Variants in PLCH2 observed in about 807,000 individuals in gnomAD.
The protein encoded by PLCH2 is 1-phosphatidylinositol 4,5-bisphosphate phosphodiesterase eta-2.
In PLCH2, 98 loss-of-function variants were observed where a neutral mutation model predicts 134.7. The ratio of observed to expected loss-of-function variants is 0.73; its 90% CI spans 0.62 to 0.86. PLCH2 has a LOEUF of 0.86. Ranked by LOEUF, PLCH2 falls within the 40% of genes least tolerant of loss-of-function variation. The pLI is 0.00. For synonymous variants in PLCH2, 974 were observed against 827.5 expected (o/e 1.18, Z -3.04); for missense variants, 1,994 against 1,986.6 (o/e 1.00, Z -0.07).
chr1:2,424,937 G>C (rs576350870), upstream of PLCH2, among the ~76,000 whole-genome samples: 225 of 152,296 alleles, frequency 1.5e-3, no homozygotes, highest in African/African-American at 5.2e-3. Flanking sequence ...AGTGAGCTGA[G>C]ATTGCTCCAC....
chr1:2,461,849 C>T (rs1640815531), intron 2 of PLCH2, among the ~76,000 whole-genome samples: 1 of 138,270 alleles, frequency 7.2e-6, no homozygotes, highest in African/African-American at 2.8e-5. Context: ...GGCAGGGCAG[C>T]TGGGGATGCC....
At chr1:2,497,864 G>A in intron 16 of PLCH2, 1 of 467,726 alleles carries the variant, frequency 2.1e-6, no homozygotes. Context: ...GGGAGCCTGG[G>A]CCCCACATGA....
Position 2,478,522 on chromosome 1 carries a change from G to C in PLCH2, c.171G>C (p.Lys57Asn). Residue 57 changes from lysine (K) to asparagine (N), a missense_variant, in exon 2 of 22, where the codon AAG becomes AAC. This residue lies in a region of PLCH2 where 1,094 missense variants were observed against 1,234.3 expected (regional missense o/e 0.89). Transcript: ENST00000378486. Reference sequence around the variant, plus strand: ...TGCAAGAGGGGATGCAGATGGTGAAGCTGCGTGGCGGCTCCAAGGGCCTGG... The same window carrying C: ...TGCAAGAGGGGATGCAGATGGTGAACCTGCGTGGCGGCTCCAAGGGCCTGG... ...GAMQEGMQMV[K>N]LRGGSKGLVR... The C allele has an allele frequency of 6.2e-7, 1 of 1,612,852 alleles. No homozygotes were observed. Among genetic ancestry groups the C allele is most frequent in the Non-Finnish European group, 8.5e-7 (1 of 1,179,736 alleles).
In PLCH2 at chr1:2,498,928, C is replaced by G; in HGVS notation, c.2434+100C>G. ...CCGGGTGCCCTGCCCAGGCCTCCCT[C>G]AGTGACAGTCCTGGGCGCCCTCCCC... On this transcript the variant is annotated intron_variant, in intron 18 of 21. Transcript: ENST00000378486. The surrounding 1 kb of genome is among the most constrained non-coding windows in gnomAD (Gnocchi z 5.4). 1.5e-6 allele frequency: 2 copies of G among 1,335,644 alleles called. No homozygotes were observed. The highest frequency in any genetic ancestry group is 2.5e-5 in the South Asian group (2 of 78,460). The allele number at this position is 1,335,644 out of a possible 1,614,324, so 82.7% of individuals were successfully genotyped here.
chr1:2,502,056 A>G, intron 20 of PLCH2, 56 bp from the exon 21 acceptor site: 1 of 1,382,322 alleles, frequency 7.2e-7, no homozygotes, highest in Non-Finnish European at 9.4e-7. Flanking sequence ...CTGGGGGAGC[A>G]GCTGCAGCTG....
intron 10 of PLCH2, among the ~76,000 whole-genome samples, chr1:2,490,438 G>T (rs1002073591): frequency 6.6e-6 from 1 of 152,158 alleles, no homozygotes; most frequent in African/African-American, 2.4e-5. Context: ...CAGGGTGGGG[G>T]GCTGCAGAGA....
At position 2,491,393 on chromosome 1, in the gene PLCH2, G is replaced by A; in HGVS notation, c.1659+58G>A. On this transcript the variant is annotated intron_variant, in intron 11 of 21. Coordinates refer to ENST00000378486, the MANE Select transcript of PLCH2 (RefSeq NM_014638.4). ...GACAGGCCCCCCCGACAGCCAGCCTGTGGGCCAGCCAGGGCCCCCGAACGT... is the reference window on the plus strand; with the variant it reads ...GACAGGCCCCCCCGACAGCCAGCCTATGGGCCAGCCAGGGCCCCCGAACGT... 8.2e-6 allele frequency: 13 copies of A among 1,580,120 alleles called. No homozygotes were observed. In the South Asian group the frequency reaches 1.4e-4, roughly 17 times the overall value.
At chr1:2,449,600 C>T (rs777162981) in intron 2 of PLCH2, among the ~76,000 whole-genome samples, 5 of 152,226 alleles carry the variant, frequency 3.3e-5, no homozygotes, top group Non-Finnish European at 5.9e-5. Context: ...GGGACCAGGT[C>T]TGCAGCAGCC....
chr1:2,478,479 A>T lies in PLCH2; in HGVS notation c.128A>T (p.Glu43Val). Reference protein sequence around the residue: ...SSEWQLGPLVERCMGAMQEGM... With the variant: ...SSEWQLGPLVVRCMGAMQEGM... Reference sequence around the variant, plus strand: ...GCCGTGTCTCTCCCGTGTCCAGTGGAGCGGTGCATGGGTGCCATGCAAGAG... The same window carrying T: ...GCCGTGTCTCTCCCGTGTCCAGTGGTGCGGTGCATGGGTGCCATGCAAGAG... The change falls in exon 2 of 22, where the codon GAG becomes GTG. Residue 43 changes from glutamate (E) to valine (V), a missense_variant. Glu to Val is a moderately radical substitution (Grantham distance 121, BLOSUM62 -2). This residue lies in a region of PLCH2 where 1,094 missense variants were observed against 1,234.3 expected (regional missense o/e 0.89). Transcript: ENST00000378486. 6.2e-7 allele frequency: 1 copy of T among 1,612,486 alleles called. No individual in the cohort carries two copies. The highest frequency in any genetic ancestry group is 8.5e-7 in the Non-Finnish European group (1 of 1,179,708).
At chr1:2,418,059 C>T in the PLCH2 span, among the ~76,000 whole-genome samples, 1 of 152,256 alleles carries the variant, frequency 6.6e-6, no homozygotes, top group Admixed American at 6.5e-5. Context: ...CGCGAACACG[C>T]AGGCACTCAG....
At chr1:2,416,961 C>T in the PLCH2 span, among the ~76,000 whole-genome samples, 3 of 152,036 alleles carry the variant, frequency 2.0e-5, no homozygotes, top group Non-Finnish European at 1.5e-5. Context: ...CTGGGCTGCT[C>T]TTAGGACCTT....
At chr1:2,502,544 A>C in intron 21 of PLCH2, 135 bp downstream of exon 21, 3 of 956,706 alleles carry the variant, frequency 3.1e-6, no homozygotes, top group Non-Finnish European at 4.9e-6. Context: ...CGGCGTGAAC[A>C]CCGGGGGCCT....
At chr1:2,427,366 C>T (rs901425712) in intron 1 of PLCH2, among the ~76,000 whole-genome samples, 5 of 152,272 alleles carry the variant, frequency 3.3e-5, no homozygotes, top group African/African-American at 4.8e-5. Context: ...CAGCCGAACC[C>T]GCCCCAGCTC....
intron 2 of PLCH2, among the ~76,000 whole-genome samples, chr1:2,452,251 AG>A (rs1275167166): frequency 6.6e-6 from 1 of 152,150 alleles, no homozygotes; most frequent in East Asian, 1.9e-4. Context: ...AGCAATCCGG[AG>A]GTTCTCCAGA....
At position 2,504,079 on chromosome 1, in the gene PLCH2, C is replaced by A; in HGVS notation, c.3117C>A (p.Ala1039=). 1 of 1,547,884 alleles carries A rather than the reference C, an allele frequency of 6.5e-7. No homozygotes were observed. Among genetic ancestry groups the A allele is most frequent in the Non-Finnish European group, 8.7e-7 (1 of 1,146,798 alleles). Residue 1039 remains alanine, a synonymous_variant, in exon 22 of 22, where the codon GCC becomes GCA. Coordinates refer to ENST00000378486, the MANE Select transcript of PLCH2 (RefSeq NM_014638.4). ...GRPPYPTGPG[A]NVASPLEDTE... is the part of the protein sequence containing the mutation. The stretch of plus-strand genomic sequence containing the variant: ...CCCCATACCCCACAGGACCCGGAGC[C>A]AATGTGGCAAGCCCCCTAGAGGACA...
At chr1:2,459,791 C>T (rs1640721766) in intron 2 of PLCH2, among the ~76,000 whole-genome samples, 1 of 152,246 alleles carries the variant, frequency 6.6e-6, no homozygotes, top group Admixed American at 6.5e-5. Flanking sequence ...AGTGCTGGCG[C>T]GTGGGGAATA....
chr1:2,456,634 C>T (rs925450373), intron 2 of PLCH2, among the ~76,000 whole-genome samples: 17 of 152,176 alleles, frequency 1.1e-4, no homozygotes, highest in African/African-American at 3.6e-4. Flanking sequence ...GCTGGTGAGA[C>T]GCGGCCTCCG....
chr1:2,435,209 A>AACC (rs1639272659), intron 2 of PLCH2, among the ~76,000 whole-genome samples: 1 of 151,940 alleles, frequency 6.6e-6, no homozygotes, highest in African/African-American at 2.4e-5. Flanking sequence ...GGGGGTGAGG[A>AACC]CCTTTCCTCC....
upstream of PLCH2, among the ~76,000 whole-genome samples, chr1:2,471,839 G>A (rs1385166435): frequency 1.3e-5 from 2 of 152,108 alleles, no homozygotes; most frequent in African/African-American, 4.8e-5. Context: ...GGCCCCCTCC[G>A]GCCTGCTCCC....
Sources: gnomAD v4.1 joint callset for allele counts (sites outside exome capture counted in the v4.1 genomes callset) on GRCh38, gnomAD v4.1.1 for gene constraint, gnomAD v4.1.1 regional missense constraint, Gnocchi (gnomAD v3.1) non-coding constraint, MANE v1.5 for transcripts, NCBI Gene and HGNC (gene_info 2026-07-23, HGNC 2026-07-21) for gene names.